PTPN3: variants seen among roughly 807,000 people sequenced by gnomAD.
The protein encoded by PTPN3 is tyrosine-protein phosphatase non-receptor type 3.
Under a neutral mutation model 132.7 loss-of-function variants are expected in PTPN3, and 96 were observed. That is an observed-to-expected ratio of 0.72 (90% confidence interval 0.61 to 0.86). The LOEUF (loss-of-function observed/expected upper bound fraction) is 0.86, where lower values mean the gene tolerates loss of function less well. Among genes scored for constraint, PTPN3 ranks in the 40% least tolerant of loss-of-function variants. The pLI is 0.00. For synonymous variants in PTPN3, 398 were observed against 429.0 expected (o/e 0.93, Z 0.89); for missense variants, 1,125 against 1,159.6 (o/e 0.97, Z 0.43).
At chr9:109,445,006 C>T (rs1844752490) in intron 7 of PTPN3, among the ~76,000 whole-genome samples, 1 of 152,268 alleles carries the variant, frequency 6.6e-6, no homozygotes, top group Non-Finnish European at 1.5e-5. Context: ...GAGAAAATTT[C>T]ACACCACAGT....
In PTPN3 at chr9:109,378,325, G is replaced by A. The variant is rs1838743448; in HGVS notation, c.*1231C>T. On this transcript the variant is annotated 3_prime_UTR_variant, in exon 26 of 26. Transcript: ENST00000374541. ...AAAAATTTAACACGGTATTCACAAA[G>A]GCAGAATTCTTTAGGACAATCAAAA... 1 of 152,488 alleles carries A rather than the reference G, an allele frequency of 6.6e-6. No homozygotes were observed. The highest frequency in any genetic ancestry group is 2.4e-5 in the African/African-American group (1 of 41,414). The allele number at this position is 152,488 out of a possible 1,614,324, so 9.4% of individuals were successfully genotyped here.
Position 109,406,619 on chromosome 9 carries a change from C to G in PTPN3, c.1636-1G>C, listed in dbSNP as rs1327335263. ...TCAGCTTAGGAATGCAGGTGTCCGC[C>G]TGGGTGGTGGGGAAAAGCGAGTTTC... On this transcript the variant is annotated splice_acceptor_variant, in intron 17 of 25. Coordinates refer to ENST00000374541, the MANE Select transcript of PTPN3 (RefSeq NM_002829.4). LOFTEE classifies it high-confidence loss of function. 6.2e-7 allele frequency: 1 copy of G among 1,613,814 alleles called. No homozygotes were observed. The highest frequency in any genetic ancestry group is 1.3e-5 in the African/African-American group (1 of 74,934).
At chr9:109,409,316 C>T (rs1012270870) in intron 16 of PTPN3, among the ~76,000 whole-genome samples, 1 of 152,144 alleles carries the variant, frequency 6.6e-6, no homozygotes, top group Non-Finnish European at 1.5e-5. Context: ...GAGGGGTTCT[C>T]TTAATAGCAT....
chr9:109,487,824 G>A (rs961358216), intron 1 of PTPN3, among the ~76,000 whole-genome samples: 2 of 152,286 alleles, frequency 1.3e-5, no homozygotes, highest in South Asian at 4.1e-4. Flanking sequence ...TTCCTTGGAT[G>A]AGATGTAGAA....
At chr9:109,386,935 A>G (rs3793567) in intron 22 of PTPN3, among the ~76,000 whole-genome samples, 28,462 of 152,030 alleles carry the variant, frequency 0.19, 2,723 homozygotes, top group East Asian at 0.2. Context: ...GAAATGCAAA[A>G]GCTCTGAGAG....
Position 109,408,788 on chromosome 9 carries a change from A to ATATATATAT in PTPN3, c.1579-412_1579-411insATATATATA, listed in dbSNP as rs1300361920. 1.2e-3 allele frequency among the ~76,000 whole-genome samples: 63 copies of ATATATATAT among 52,832 alleles called. 1 individual carries two copies. The highest frequency in any genetic ancestry group is 3.8e-3 in the East Asian group (9 of 2,372). 34.7% of individuals were successfully genotyped at this position (52,832 alleles called of 152,430 possible). A position where few individuals can be genotyped will look rare whatever the true frequency, so the allele number is the denominator to read the frequency against. ...CCTAGAACTTATAATAATTAAAAAA[A>ATATATATAT]AAAAAAAAATATATATATATATATA... On this transcript the variant is annotated intron_variant, in intron 16 of 25. Transcript: ENST00000374541.
In PTPN3 at chr9:109,445,443, C is replaced by T. The variant is rs1229548286; in HGVS notation, c.414-151G>A. ...GTAACAAAAGCAACTTTATGCTGCA[C>T]ATAAACAGTAAAGGCAAATGTAATA... On this transcript the variant is annotated intron_variant, in intron 6 of 25. Coordinates refer to ENST00000374541, the MANE Select transcript of PTPN3 (RefSeq NM_002829.4). The T allele has an allele frequency of 7.0e-6, 5 of 711,768 alleles. No homozygotes were observed. The East Asian group carries it at 8.3e-5, about 12-fold the overall frequency. 44.1% of individuals were successfully genotyped at this position (711,768 alleles called of 1,614,324 possible).
At chr9:109,488,320 G>C (rs905708906) in intron 1 of PTPN3, among the ~76,000 whole-genome samples, 4 of 151,724 alleles carry the variant, frequency 2.6e-5, no homozygotes, top group Admixed American at 2.6e-4. Flanking sequence ...GTCTGGTCTC[G>C]AACTCCTGAC....
chr9:109,501,867 A>C (rs1032285933), upstream of PTPN3, among the ~76,000 whole-genome samples: 1 of 152,232 alleles, frequency 6.6e-6, no homozygotes, highest in Non-Finnish European at 1.5e-5. Flanking sequence ...TGATGAAATG[A>C]CAGAGAGCTG....
chr9:109,471,524 T>C (rs1185836380), intron 1 of PTPN3, among the ~76,000 whole-genome samples: 1 of 152,200 alleles, frequency 6.6e-6, no homozygotes, highest in Non-Finnish European at 1.5e-5. Context: ...ATTATCACAC[T>C]GAAGAAATTT....
At chr9:109,428,294 C>T (rs1843421850) in intron 11 of PTPN3, among the ~76,000 whole-genome samples, 1 of 152,214 alleles carries the variant, frequency 6.6e-6, no homozygotes, top group African/African-American at 2.4e-5. Flanking sequence ...CTGTCTCTGA[C>T]TCCAAAGCAA....
chr9:109,500,761 T>C (rs1029882483), upstream of PTPN3, among the ~76,000 whole-genome samples: 3 of 151,528 alleles, frequency 2.0e-5, no homozygotes, highest in African/African-American at 7.3e-5. Context: ...CAAGACCCCA[T>C]CTTTACAAAA....
chr9:109,519,979 G>T, the PTPN3 span, among the ~76,000 whole-genome samples: 1 of 152,102 alleles, frequency 6.6e-6, no homozygotes, highest in African/African-American at 2.4e-5. Flanking sequence ...CTAACACAGT[G>T]AAACCCTGTC....
At chr9:109,402,291 T>TAAAAAGGAAA (rs772960445) in intron 19 of PTPN3, among the ~76,000 whole-genome samples, 12,656 of 152,094 alleles carry the variant, frequency 0.083, 726 homozygotes, top group Non-Finnish European at 0.12. Context: ...ATTTCCTTTT[T>TAAAAAGGAAA]TTTTTATTTT....
rs188503580 is a variant in PTPN3, at chr9:109,375,979, G to T, written c.*3577C>A. The T allele has an allele frequency of 2.0e-5, 3 of 152,284 alleles. No individual in the cohort carries two copies. The highest frequency in any genetic ancestry group is 4.4e-5 in the Non-Finnish European group (3 of 68,022). The allele number at this position is 152,284 out of a possible 1,614,324, so 9.4% of individuals were successfully genotyped here. Reference sequence around the variant, plus strand: ...CTTTACCGAGACTGCTCTCAGCTGAGGACAACAGGCAAGAACCAGAAGGTG... The same window carrying T: ...CTTTACCGAGACTGCTCTCAGCTGATGACAACAGGCAAGAACCAGAAGGTG... On this transcript the variant is annotated 3_prime_UTR_variant, in exon 26 of 26. Coordinates refer to ENST00000374541, the MANE Select transcript of PTPN3 (RefSeq NM_002829.4).
the PTPN3 span, among the ~76,000 whole-genome samples, chr9:109,505,349 T>C: frequency 1.3e-5 from 2 of 152,252 alleles, no homozygotes; most frequent in African/African-American, 4.8e-5. Context: ...CATGGTTCAC[T>C]GCAGCTTCCA....
intron 22 of PTPN3, among the ~76,000 whole-genome samples, chr9:109,387,616 C>T (rs1477532846): frequency 6.6e-6 from 1 of 152,114 alleles, no homozygotes; most frequent in Non-Finnish European, 1.5e-5. Context: ...CAGGCATTAC[C>T]ACCTCCTTTC....
At chr9:109,473,176 A>G (rs1846463004) in intron 1 of PTPN3, among the ~76,000 whole-genome samples, 1 of 152,226 alleles carries the variant, frequency 6.6e-6, no homozygotes, top group Non-Finnish European at 1.5e-5. Flanking sequence ...ACTCCGTCGA[A>G]TCATCTTGCA....
chr9:109,476,776 A>AACGC (rs1846686999), intron 1 of PTPN3, among the ~76,000 whole-genome samples: 1 of 152,184 alleles, frequency 6.6e-6, no homozygotes. Flanking sequence ...TTTCATTCTT[A>AACGC]ACGCAGCACA....
Sources: allele counts gnomAD v4.1 joint callset (sites outside exome capture counted in the v4.1 genomes callset), GRCh38; gene constraint gnomAD v4.1.1; transcripts MANE v1.5; gene names NCBI Gene and HGNC (gene_info 2026-07-23, HGNC 2026-07-21).